The following PTGDR variants were observed in gnomAD, a reference collection of about 807,000 sequenced individuals.
PTGDR encodes the protein prostaglandin D2 receptor, also known as PGD2 receptor.
PTGDR carries 19 observed loss-of-function variants against 17.4 expected under a neutral mutation model. The ratio of observed to expected loss-of-function variants is 1.09; its 90% CI spans 0.76 to 1.60. The LOEUF is 1.60. Ranked by LOEUF, PTGDR falls within the 40% of genes most tolerant of loss-of-function variation. PTGDR has a pLI of 0.00. For missense variants in PTGDR, 526 were observed against 481.9 expected (o/e 1.09, Z -0.86); for synonymous variants, 267 against 224.2 (o/e 1.19, Z -1.71).
chr14:52,278,072 A>T (rs1328265973), downstream of PTGDR, among the ~76,000 whole-genome samples: 4 of 152,156 alleles, frequency 2.6e-5, no homozygotes, highest in African/African-American at 4.8e-5. Flanking sequence ...TTCCTCAGGG[A>T]TCTAGAACTA....
chr14:52,268,679 A>T lies in PTGDR; in HGVS notation c.846+19A>T, dbSNP rs774867445. ...CGTAATTGTGAGTCCCCGGGCCCCG[A>T]GGCAGCAGGGCACTGAGACTGTCCG... On this transcript the variant is annotated intron_variant, in intron 1 of 1. Transcript: ENST00000306051. The T allele has an allele frequency of 6.5e-7, 1 of 1,550,318 alleles. No individual in the cohort carries two copies. The highest frequency in any genetic ancestry group is 8.7e-7 in the Non-Finnish European group (1 of 1,146,062).
chr14:52,268,379 C>G lies in PTGDR; in HGVS notation c.565C>G (p.His189Asp), dbSNP rs201037296. 1.1e-5 allele frequency: 17 copies of G among 1,612,626 alleles called. No homozygotes were observed. The Admixed American group carries it at 2.5e-4, about 24-fold the overall frequency. The change falls in exon 1 of 2, where the codon CAC becomes GAC. Residue 189 changes from histidine to aspartate, a missense_variant. Coordinates refer to ENST00000306051, the MANE Select transcript of PTGDR (RefSeq NM_000953.3). Reference protein sequence around the residue: ...PGTWCFIQMVHEEGSLSVLGY... With the variant: ...PGTWCFIQMVDEEGSLSVLGY... ...CACCTGGTGCTTTATCCAGATGGTC[C>G]ACGAGGAGGGCTCGCTGTCGGTGCT... is the stretch of plus-strand genomic sequence containing the variant.
At chr14:52,268,702 C>A in intron 1 of PTGDR, 42 bp downstream of exon 1, 1 of 1,517,158 alleles carries the variant, frequency 6.6e-7, no homozygotes. Flanking sequence ...CTGAGACTGT[C>A]CGGCCGCGGA....
chr14:52,269,213 C>T (rs1311347938), intron 1 of PTGDR, among the ~76,000 whole-genome samples: 2 of 152,152 alleles, frequency 1.3e-5, no homozygotes, highest in African/African-American at 2.4e-5. Flanking sequence ...TTTTGAAAAA[C>T]GCGTGCGTAA....
downstream of PTGDR, among the ~76,000 whole-genome samples, chr14:52,279,267 C>T (rs919022681): frequency 6.6e-6 from 1 of 152,084 alleles, no homozygotes; most frequent in Non-Finnish European, 1.5e-5. Flanking sequence ...TTCTCTTAGG[C>T]CAACCAAAGG....
Position 52,268,409 on chromosome 14 carries a change from T to C in PTGDR, c.595T>C (p.Tyr199His). The stretch of plus-strand genomic sequence containing the variant: ...GGAGGGCTCGCTGTCGGTGCTGGGG[T>C]ACTCTGTGCTCTACTCCAGCCTCAT... ...HEEGSLSVLG[Y>H]SVLYSSLMAL... Residue 199 changes from tyrosine to histidine, a missense_variant, in exon 1 of 2, where the codon TAC becomes CAC. Transcript: ENST00000306051. 1 of 1,611,166 alleles carries C rather than the reference T, an allele frequency of 6.2e-7. No individual in the cohort carries two copies. The highest frequency in any genetic ancestry group is 8.5e-7 in the Non-Finnish European group (1 of 1,180,008).
intron 1 of PTGDR, among the ~76,000 whole-genome samples, chr14:52,273,420 T>A (rs969815079): frequency 6.6e-6 from 1 of 152,216 alleles, no homozygotes; most frequent in African/African-American, 2.4e-5. Flanking sequence ...AAATTCAATC[T>A]AGTTAAGTGT....
Position 52,267,970 on chromosome 14 carries a change from T to C in PTGDR, c.156T>C (p.Arg52=), listed in dbSNP as rs1462281001. The C allele has an allele frequency of 1.2e-6, 2 of 1,609,284 alleles. No homozygotes were observed. The highest frequency in any genetic ancestry group is 3.3e-5 in the Admixed American group (2 of 59,980). The change falls in exon 1 of 2, where the codon CGT becomes CGC. Residue 52 remains arginine (R), a synonymous_variant. Transcript: ENST00000306051. ...ARSGLGWCSR[R]PLRPLPSVFY... ...CGGGGCTGGGGTGGTGCTCGCGGCGTCCACTGCGCCCGCTGCCCTCGGTCT... is the reference window on the plus strand; with the variant it reads ...CGGGGCTGGGGTGGTGCTCGCGGCGCCCACTGCGCCCGCTGCCCTCGGTCT...
At position 52,268,524 on chromosome 14, in the gene PTGDR, G is replaced by T; in HGVS notation, c.710G>T (p.Arg237Leu). 1.2e-6 allele frequency: 2 copies of T among 1,611,924 alleles called. No individual in the cohort carries two copies. Reference sequence around the variant, plus strand: ...CACCGGCGGCTGCAGCGGCACCCGCGCTCCTGCACCAGGGACTGTGCCGAG... The same window carrying T: ...CACCGGCGGCTGCAGCGGCACCCGCTCTCCTGCACCAGGGACTGTGCCGAG... ...AMHRRLQRHP[R>L]SCTRDCAEPR... is the part of the protein sequence containing the mutation. The change falls in exon 1 of 2, where the codon CGC (arginine) becomes CTC (leucine). Residue 237 changes from arginine to leucine, a missense_variant. Transcript: ENST00000306051.
Position 52,268,422 on chromosome 14 carries a change from A to ACT in PTGDR, c.610_611dup (p.Ser205ProfsTer66). 6.2e-7 allele frequency: 1 copy of ACT among 1,610,342 alleles called. No individual in the cohort carries two copies. The highest frequency in any genetic ancestry group is 8.5e-7 in the Non-Finnish European group (1 of 1,179,964). ...TCGGTGCTGGGGTACTCTGTGCTCT[A>ACT]CTCCAGCCTCATGGCGCTGCTGGTC... On this transcript the variant is annotated frameshift_variant, in exon 1 of 2. Transcript: ENST00000306051. LOFTEE classifies it high-confidence loss of function.
intron 1 of PTGDR, among the ~76,000 whole-genome samples, chr14:52,274,410 A>C (rs2033380196): frequency 6.6e-6 from 1 of 152,240 alleles, no homozygotes; most frequent in Non-Finnish European, 1.5e-5. Context: ...TGTTTCTAAA[A>C]GATTCAGCAG....
intron 1 of PTGDR, chr14:52,269,674 C>A: frequency 1.3e-6 from 1 of 756,620 alleles, no homozygotes; most frequent in South Asian, 2.0e-5. Context: ...ATATTACTTT[C>A]AATGGTGAAT....
chr14:52,267,724 C>T lies in PTGDR; in HGVS notation c.-91C>T, dbSNP rs1488252852. The T allele has an allele frequency of 1.4e-6, 2 of 1,440,704 alleles. No homozygotes were observed. The highest frequency in any genetic ancestry group is 1.8e-6 in the Non-Finnish European group (2 of 1,103,586). 89.2% of individuals were successfully genotyped at this position (1,440,704 alleles called of 1,614,324 possible). ...TGGCGCAGCTTCTCCGCCCGAGCCG[C>T]GCGCGGAGCTGCCGGGGGCTCCTTA... On this transcript the variant is annotated 5_prime_UTR_variant, in exon 1 of 2. Transcript: ENST00000306051.
At chr14:52,278,428 G>A (rs1412406996), downstream of PTGDR, among the ~76,000 whole-genome samples, 2 of 152,062 alleles carry the variant, frequency 1.3e-5, no homozygotes, top group Non-Finnish European at 2.9e-5. Flanking sequence ...GAGAACACAT[G>A]GACACAGGAA....
In PTGDR at chr14:52,268,270, G is replaced by T. The variant is rs756915843; in HGVS notation, c.456G>T (p.Val152=). The T allele has an allele frequency of 3.7e-6, 6 of 1,613,858 alleles. No individual in the cohort carries two copies. In the South Asian group the frequency reaches 5.5e-5, roughly 15 times the overall value. The change falls in exon 1 of 2, where the codon GTG becomes GTT. Residue 152 remains valine (V), a synonymous_variant. Coordinates refer to ENST00000306051, the MANE Select transcript of PTGDR (RefSeq NM_000953.3). Reference sequence around the variant, plus strand: ...TCACCCTGCGCCTGGGCGCACTGGTGGCCCCGGTGGTGAGCGCCTTCTCCC... The same window carrying T: ...TCACCCTGCGCCTGGGCGCACTGGTTGCCCCGGTGGTGAGCGCCTTCTCCC... ...RHITLRLGAL[V]APVVSAFSLA... is the part of the protein sequence containing the mutation.
chr14:52,268,254 G>T lies in PTGDR; in HGVS notation c.440G>T (p.Arg147Leu). The T allele has an allele frequency of 1.2e-6, 2 of 1,613,984 alleles. No homozygotes were observed. Among genetic ancestry groups the T allele is most frequent in the African/African-American group, 1.3e-5 (1 of 75,072 alleles). The change falls in exon 1 of 2, where the codon CGC (arginine) becomes CTC (leucine). Residue 147 changes from arginine to leucine, a missense_variant. Arg to Leu is a moderately radical substitution (Grantham distance 102, BLOSUM62 -2). Transcript: ENST00000306051. ...TTCTACCGACGGCACATCACCCTGC[G>T]CCTGGGCGCACTGGTGGCCCCGGTG... The part of the protein sequence containing the change: ...PFFYRRHITL[R>L]LGALVAPVVS...
At chr14:52,272,066 C>T (rs2033331976) in intron 1 of PTGDR, among the ~76,000 whole-genome samples, 1 of 152,138 alleles carries the variant, frequency 6.6e-6, no homozygotes, top group Non-Finnish European at 1.5e-5. Flanking sequence ...GGGATCTAGA[C>T]AACTGAATGA....
Position 52,269,903 on chromosome 14 carries a change from G to GA in PTGDR, c.846+1250dup, listed in dbSNP as rs41312456. 8.7e-3 allele frequency among the ~76,000 whole-genome samples: 1,324 copies of GA among 152,156 alleles called. 25 individuals are homozygous for GA. The highest frequency in any genetic ancestry group is 0.031 in the African/African-American group (1,285 of 41,498). ...CTCAGAATCACCAGCAAGGCTTCTA[G>GA]AAAAAAAGATGGCTGGACCCCATTC... On this transcript the variant is annotated intron_variant, in intron 1 of 1. Transcript: ENST00000306051.
At chr14:52,268,959 T>G (rs949250468) in intron 1 of PTGDR, among the ~76,000 whole-genome samples, 1 of 152,164 alleles carries the variant, frequency 6.6e-6, no homozygotes, top group Non-Finnish European at 1.5e-5. Flanking sequence ...TCTGCTTCCT[T>G]CTGGGGAGAT....
Sources: allele counts gnomAD v4.1 joint callset (sites outside exome capture counted in the v4.1 genomes callset), GRCh38; gene constraint gnomAD v4.1.1; transcripts MANE v1.5; gene names NCBI Gene and HGNC (gene_info 2026-07-23, HGNC 2026-07-21).